LRBA: variants seen among roughly 807,000 people sequenced by gnomAD.
The protein encoded by LRBA is lipopolysaccharide-responsive and beige-like anchor protein.
Under a neutral mutation model 330.0 loss-of-function variants are expected in LRBA, and 176 were observed. That is an observed-to-expected ratio of 0.53 (90% CI 0.47 to 0.60). The LOEUF (loss-of-function observed/expected upper bound fraction) is 0.60. Among genes scored for constraint, LRBA ranks in the 20% least tolerant of loss-of-function variants. The pLI, the probability that LRBA is intolerant of heterozygous loss-of-function variation, is 0.00. For missense variants in LRBA, 3,259 were observed against 3,444.8 expected (o/e 0.95, Z 1.35); for synonymous variants, 1,230 against 1,193.0 (o/e 1.03, Z -0.64).
intron 37 of LRBA, among the ~76,000 whole-genome samples, chr4:150,644,624 TTGA>T (rs1260887127): frequency 7.9e-5 from 12 of 151,948 alleles, no homozygotes; most frequent in Admixed American, 7.9e-4. Flanking sequence ...TCCTTGGCTC[TTGA>T]TGAGATCACA....
intron 48 of LRBA, among the ~76,000 whole-genome samples, chr4:150,345,005 G>A (rs1004514906): frequency 1.3e-5 from 2 of 152,108 alleles, no homozygotes; most frequent in African/African-American, 4.8e-5. Context: ...TTGCCTCTGT[G>A]TAGGTAACTT....
chr4:150,803,188 C>T (rs1017346061), intron 33 of LRBA, among the ~76,000 whole-genome samples: 8 of 149,480 alleles, frequency 5.4e-5, no homozygotes, highest in African/African-American at 9.8e-5. Flanking sequence ...GGGTATTAGA[C>T]GACATTAAGA....
At chr4:150,736,114 C>T (rs1209834559) in intron 35 of LRBA, among the ~76,000 whole-genome samples, 1 of 152,180 alleles carries the variant, frequency 6.6e-6, no homozygotes. Flanking sequence ...AGGCCAAACT[C>T]TCACAAGAAC....
chr4:150,580,970 C>G (rs1438447046), intron 40 of LRBA: 1 of 154,294 alleles, frequency 6.5e-6, no homozygotes, highest in Non-Finnish European at 1.4e-5. Context: ...ACCTGTACCC[C>G]CTAAGAATAC....
At chr4:150,737,661 A>G (rs981089146) in intron 35 of LRBA, among the ~76,000 whole-genome samples, 4 of 152,120 alleles carry the variant, frequency 2.6e-5, no homozygotes, top group Non-Finnish European at 4.4e-5. Context: ...ATTTTTCTGA[A>G]CTTTCTTTAT....
rs144205734 is a variant in LRBA at position 150,799,077 on chromosome 4, C to G, written c.5519-935G>C. 6.3e-3 allele frequency among the ~76,000 whole-genome samples: 965 copies of G among 152,208 alleles called. 12 individuals carry two copies. The highest frequency in any genetic ancestry group is 0.022 in the African/African-American group (919 of 41,544). ...TATTCTTTAGTTCTTTCTCCTTCCC[C>G]GTTTAAATACGAATGCTTCCAACCT... On this transcript the variant is annotated intron_variant, in intron 33 of 56. Coordinates refer to ENST00000651943, the MANE Select transcript of LRBA (RefSeq NM_001364905.1).
intron 17 of LRBA, among the ~76,000 whole-genome samples, chr4:150,886,359 C>T (rs1232154234): frequency 1.3e-5 from 2 of 152,060 alleles, no homozygotes; most frequent in African/African-American, 4.8e-5. Context: ...GGGAAGAATC[C>T]TAAATAGCAG....
chr4:150,803,529 G>T (rs1742075676), intron 33 of LRBA, among the ~76,000 whole-genome samples: 1 of 151,980 alleles, frequency 6.6e-6, no homozygotes, highest in Non-Finnish European at 1.5e-5. Context: ...TGTAATGTTT[G>T]GTCACACAGC....
chr4:150,658,515 CCCTCT>C (rs1561481304), intron 37 of LRBA, among the ~76,000 whole-genome samples: 1 of 470 alleles, frequency 2.1e-3, no homozygotes, highest in African/African-American at 2.2e-3. Flanking sequence ...GTCTCCCTCT[CCCTCT>C]CCCTCTCCCT....
Position 150,867,756 on chromosome 4 carries a change from A to G in LRBA, c.2681T>C (p.Phe894Ser), listed in dbSNP as rs1752908616. The change falls in exon 22 of 57, where the codon TTC (phenylalanine) becomes TCC (serine). Residue 894 changes from phenylalanine to serine, a missense_variant. Phe to Ser is a radical substitution (Grantham distance 155). Coordinates refer to ENST00000651943, the MANE Select transcript of LRBA (RefSeq NM_001364905.1). ...QKITEMVYAI[F>S]RILLYHAVKY... is the part of the protein sequence containing the mutation. ...GACTGCATGGTAAAGCAGGATTCTG[A>G]ATATGGCGTATACCATTTCTGTTAT... 6 of 1,613,800 alleles carry G rather than the reference A, an allele frequency of 3.7e-6. No homozygotes were observed. The South Asian group carries it at 6.6e-5, about 18-fold the overall frequency.
chr4:150,884,200 G>C (rs1029146680), intron 17 of LRBA, among the ~76,000 whole-genome samples: 1 of 152,194 alleles, frequency 6.6e-6, no homozygotes, highest in Admixed American at 6.5e-5. Flanking sequence ...CAGTTCTCCA[G>C]CTAAAAGTGG....
At chr4:150,891,142 C>T (rs1729417490) in intron 17 of LRBA, among the ~76,000 whole-genome samples, 3 of 152,102 alleles carry the variant, frequency 2.0e-5, no homozygotes, top group Non-Finnish European at 1.5e-5. Flanking sequence ...TTATAAGCCT[C>T]GTTTGTTTTG....
At chr4:150,559,929 T>TAG (rs1374242856) in intron 40 of LRBA, among the ~76,000 whole-genome samples, 1 of 97,436 alleles carries the variant, frequency 1.0e-5, no homozygotes, top group African/African-American at 4.2e-5. Flanking sequence ...TAAATATAAA[T>TAG]ATATATATAT....
chr4:150,898,401 T>C (rs1452363943), intron 14 of LRBA, among the ~76,000 whole-genome samples: 2 of 152,130 alleles, frequency 1.3e-5, no homozygotes, highest in Non-Finnish European at 2.9e-5. Context: ...ATGGCTCACA[T>C]TAAATCAATT....
At chr4:150,866,614 G>A (rs1752722138) in intron 22 of LRBA, among the ~76,000 whole-genome samples, 1 of 152,160 alleles carries the variant, frequency 6.6e-6, no homozygotes, top group South Asian at 2.1e-4. Flanking sequence ...GCATTATCTT[G>A]TAAAGTTCAA....
intron 46 of LRBA, among the ~76,000 whole-genome samples, chr4:150,434,210 G>A (rs950388119): frequency 2.0e-5 from 3 of 151,842 alleles, no homozygotes; most frequent in Non-Finnish European, 4.4e-5. Flanking sequence ...CAAAACCATA[G>A]GGATATCTCA....
intron 37 of LRBA, among the ~76,000 whole-genome samples, chr4:150,670,286 C>A (rs1308971629): frequency 6.6e-5 from 10 of 152,160 alleles, no homozygotes; most frequent in African/African-American, 2.2e-4. Context: ...AGAGCTGTCT[C>A]TTACCTCCCA....
intron 47 of LRBA, among the ~76,000 whole-genome samples, chr4:150,380,667 T>C (rs1024896112): frequency 1.3e-5 from 2 of 152,216 alleles, no homozygotes; most frequent in African/African-American, 4.8e-5. Flanking sequence ...CTTGTTTATT[T>C]TTCTAAATTA....
chr4:150,455,566 A>G (rs11727758), intron 44 of LRBA, among the ~76,000 whole-genome samples: 33,949 of 152,060 alleles, frequency 0.22, 4,476 homozygotes, highest in Non-Finnish European at 0.31. Flanking sequence ...GTATATACTT[A>G]TGGGATACCC....
Sources: gnomAD v4.1 joint callset for allele counts (sites outside exome capture counted in the v4.1 genomes callset) on GRCh38, gnomAD v4.1.1 for gene constraint, MANE v1.5 for transcripts, NCBI Gene and HGNC (gene_info 2026-07-23, HGNC 2026-07-21) for gene names.